The following TOX variants were observed in gnomAD, a reference collection of about 807,000 sequenced individuals.
The protein encoded by TOX is thymocyte selection-associated high mobility group box protein TOX.
A neutral mutation model predicts 53.7 loss-of-function variants in TOX; 11 were observed. The ratio of observed to expected loss-of-function variants is 0.20; its 90% CI spans 0.13 to 0.34. The LOEUF (loss-of-function observed/expected upper bound fraction) is 0.34. TOX is among the 10% of genes least tolerant of loss of function. The pLI is 1.00. For missense variants in TOX, 570 were observed against 664.6 expected (o/e 0.86, Z 1.56); for synonymous variants, 225 against 245.3 (o/e 0.92, Z 0.77).
At chr8:58,949,874 A>C (rs1812592483) in intron 2 of TOX, among the ~76,000 whole-genome samples, 1 of 124,928 alleles carries the variant, frequency 8.0e-6, no homozygotes, top group African/African-American at 3.0e-5. Flanking sequence ...ATACACATAT[A>C]ATATACAATT....
At chr8:58,844,086 A>G (rs184033788) in intron 4 of TOX, among the ~76,000 whole-genome samples, 197 of 152,312 alleles carry the variant, frequency 1.3e-3, no homozygotes, top group Non-Finnish European at 2.5e-3. Context: ...GACTTCTTGC[A>G]TAGATGGATG....
At chr8:58,959,850 G>T in intron 2 of TOX, 93 bp downstream of exon 2, 1 of 1,252,866 alleles carries the variant, frequency 8.0e-7, no homozygotes, top group Non-Finnish European at 1.2e-6. Flanking sequence ...CCTGATTGCG[G>T]CAGTTACTGA....
rs1456514318 is a variant in TOX, at chr8:58,807,779, T to C, written c.1549A>G (p.Met517Val). The change falls in exon 9 of 9, where the codon ATG (methionine) becomes GTG (valine). Residue 517 changes from methionine to valine, a missense_variant. Coordinates refer to ENST00000361421, the MANE Select transcript of TOX (RefSeq NM_014729.3). ...AGGTACAGTGCTTTGTCCCTCTGCA[T>C]GCCCCTGTAGGAAGAGAAAAAAGAC... Reference protein sequence around the residue: ...WNNDYCSSGGMQRDKALYLT With the variant: ...WNNDYCSSGGVQRDKALYLT 1.2e-6 allele frequency: 2 copies of C among 1,614,148 alleles called. No individual in the cohort carries two copies. Among genetic ancestry groups the C allele is most frequent in the Admixed American group, 1.7e-5 (1 of 60,022 alleles).
intron 1 of TOX, among the ~76,000 whole-genome samples, chr8:59,107,934 G>A (rs1330391263): frequency 6.6e-6 from 1 of 152,038 alleles, no homozygotes; most frequent in African/African-American, 2.4e-5. Context: ...GGTTTCTCTC[G>A]CTCTCTCCTT....
intron 1 of TOX, among the ~76,000 whole-genome samples, chr8:59,003,886 A>G (rs971455260): frequency 6.6e-6 from 1 of 152,226 alleles, no homozygotes; most frequent in Non-Finnish European, 1.5e-5. Flanking sequence ...TTCCAGTCAG[A>G]TTTCACAAAA....
chr8:59,018,213 T>C (rs1814051403), intron 1 of TOX, among the ~76,000 whole-genome samples: 1 of 152,184 alleles, frequency 6.6e-6, no homozygotes, highest in Admixed American at 6.5e-5. Flanking sequence ...TTTGTTGTCA[T>C]AGTATGGTAG....
intron 3 of TOX, among the ~76,000 whole-genome samples, chr8:58,882,855 C>T (rs1292875333): frequency 2.0e-5 from 3 of 152,210 alleles, no homozygotes; most frequent in Admixed American, 6.5e-5. Flanking sequence ...TAAGATTCTT[C>T]GAACTGTCTC....
At chr8:58,881,855 A>C (rs1811388872) in intron 3 of TOX, among the ~76,000 whole-genome samples, 1 of 152,192 alleles carries the variant, frequency 6.6e-6, no homozygotes, top group Admixed American at 6.5e-5. Context: ...ATGTGATTAC[A>C]CATCATCTCA....
chr8:59,014,761 T>C (rs1813977946), intron 1 of TOX, among the ~76,000 whole-genome samples: 1 of 152,338 alleles, frequency 6.6e-6, no homozygotes, highest in South Asian at 2.1e-4. Context: ...CCTAGAATAA[T>C]GGTGGTGTGA....
intron 3 of TOX, among the ~76,000 whole-genome samples, chr8:58,861,436 T>C (rs1163218416): frequency 6.6e-6 from 1 of 152,224 alleles, no homozygotes; most frequent in Non-Finnish European, 1.5e-5. Context: ...CTTTTGCATC[T>C]GTGCTACAAA....
At chr8:59,103,462 A>C (rs1003166094) in intron 1 of TOX, among the ~76,000 whole-genome samples, 1 of 152,240 alleles carries the variant, frequency 6.6e-6, no homozygotes, top group Non-Finnish European at 1.5e-5. Context: ...GAGTTGACTT[A>C]ATTGTAAGTG....
At chr8:59,013,903 A>G (rs1563418400) in intron 1 of TOX, among the ~76,000 whole-genome samples, 1 of 152,218 alleles carries the variant, frequency 6.6e-6, no homozygotes, top group Non-Finnish European at 1.5e-5. Context: ...CACTTTACAG[A>G]ATAATCATGT....
At chr8:59,068,077 T>C (rs1804126305) in intron 1 of TOX, among the ~76,000 whole-genome samples, 1 of 152,222 alleles carries the variant, frequency 6.6e-6, no homozygotes, top group African/African-American at 2.4e-5. Flanking sequence ...CATCATGTTC[T>C]ATAAATATCT....
chr8:58,914,075 G>C (rs545827292), intron 3 of TOX, among the ~76,000 whole-genome samples: 1 of 152,298 alleles, frequency 6.6e-6, no homozygotes, highest in South Asian at 2.1e-4. Flanking sequence ...TATCAAAATG[G>C]TTACCCAAGG....
chr8:59,030,064 C>A (rs1335023838), intron 1 of TOX, among the ~76,000 whole-genome samples: 1 of 152,046 alleles, frequency 6.6e-6, no homozygotes, highest in Non-Finnish European at 1.5e-5. Flanking sequence ...CCTTAATGAA[C>A]CCCGCTGATT....
intron 3 of TOX, among the ~76,000 whole-genome samples, chr8:58,866,948 A>G (rs1324460526): frequency 6.6e-6 from 1 of 152,176 alleles, no homozygotes; most frequent in East Asian, 1.9e-4. Context: ...CAACATGACA[A>G]CTCCAATAAA....
intron 6 of TOX, among the ~76,000 whole-genome samples, chr8:58,823,902 G>A (rs1810323030): frequency 6.6e-6 from 1 of 152,222 alleles, no homozygotes; most frequent in African/African-American, 2.4e-5. Context: ...TTGGGGAAAT[G>A]AATGCCTTGC....
chr8:59,002,531 G>T (rs1813711435), intron 1 of TOX, among the ~76,000 whole-genome samples: 2 of 151,106 alleles, frequency 1.3e-5, no homozygotes, highest in Non-Finnish European at 2.9e-5. Context: ...GGCGGAGCTT[G>T]CAGTGAGCGA....
chr8:58,930,885 G>A (rs1812244046), intron 3 of TOX, among the ~76,000 whole-genome samples: 1 of 152,102 alleles, frequency 6.6e-6, no homozygotes, highest in South Asian at 2.1e-4. Flanking sequence ...AAAGCTCATG[G>A]CTAGGATCTG....
Sources: allele counts gnomAD v4.1 joint callset (sites outside exome capture counted in the v4.1 genomes callset), GRCh38; gene constraint gnomAD v4.1.1; transcripts MANE v1.5; gene names NCBI Gene and HGNC (gene_info 2026-07-23, HGNC 2026-07-21).